NR3C2: variants seen among roughly 807,000 people sequenced by gnomAD.
NR3C2 encodes the protein nuclear receptor subfamily 3 group C member 2, also known as mineralocorticoid receptor.
Under a neutral mutation model 86.4 loss-of-function variants are expected in NR3C2, and 15 were observed. The observed-to-expected ratio is 0.17, with a 90% confidence interval of 0.12 to 0.27. NR3C2 has a LOEUF of 0.27. Ranked by LOEUF, NR3C2 falls within the 10% of genes least tolerant of loss-of-function variation. The pLI is 1.00. For missense variants in NR3C2, 960 were observed against 1,195.6 expected (o/e 0.80, Z 2.91); for synonymous variants, 458 against 450.5 (o/e 1.02, Z -0.21).
At chr4:148,316,253 T>A (rs951029247) in intron 2 of NR3C2, among the ~76,000 whole-genome samples, 1 of 152,168 alleles carries the variant, frequency 6.6e-6, no homozygotes, top group Admixed American at 6.5e-5. Context: ...ACATATAATA[T>A]AGTGGTCATC....
intron 6 of NR3C2, among the ~76,000 whole-genome samples, chr4:148,135,778 C>G (rs1268808308): frequency 1.3e-5 from 2 of 151,906 alleles, no homozygotes; most frequent in Non-Finnish European, 2.9e-5. Context: ...CAAAAACGGC[C>G]GGGCGCGGTG....
intron 3 of NR3C2, among the ~76,000 whole-genome samples, chr4:148,249,238 T>C (rs866930615): frequency 2.0e-5 from 3 of 151,854 alleles, no homozygotes; most frequent in Non-Finnish European, 4.4e-5. Flanking sequence ...TCCTTTCAAA[T>C]TGAAGAAGAA....
intron 6 of NR3C2, 66 bp downstream of exon 6, chr4:148,152,403 A>G: frequency 6.5e-7 from 1 of 1,538,668 alleles, no homozygotes; most frequent in African/African-American, 1.4e-5. Flanking sequence ...TTTAGAAATT[A>G]CTGAAAGAAA....
chr4:148,261,280 TAA>T (rs1420047520), intron 2 of NR3C2, among the ~76,000 whole-genome samples: 1 of 38,498 alleles, frequency 2.6e-5, no homozygotes, highest in South Asian at 1.2e-3. Context: ...TGCACTATGG[TAA>T]GCGCTATGGT....
chr4:148,388,899 A>T (rs1277761954), intron 2 of NR3C2, among the ~76,000 whole-genome samples: 1 of 152,320 alleles, frequency 6.6e-6, no homozygotes, highest in East Asian at 1.9e-4. Flanking sequence ...ATCCATAGCA[A>T]GCAGTTGGAA....
At chr4:148,296,044 CAAAA>C (rs529710200) in intron 2 of NR3C2, among the ~76,000 whole-genome samples, 24 of 73,932 alleles carry the variant, frequency 3.2e-4, no homozygotes, top group Non-Finnish European at 5.1e-4. Context: ...GAGCTGAGGC[CAAAA>C]AAAAAAAAAA....
intron 2 of NR3C2, among the ~76,000 whole-genome samples, chr4:148,395,637 C>A (rs1274044900): frequency 1.3e-5 from 2 of 152,178 alleles, no homozygotes; most frequent in Non-Finnish European, 2.9e-5. Flanking sequence ...TATTTGCTCT[C>A]ATTGTACATA....
chr4:148,336,147 G>C (rs1267217638), intron 2 of NR3C2, among the ~76,000 whole-genome samples: 2 of 152,188 alleles, frequency 1.3e-5, no homozygotes, highest in Non-Finnish European at 2.9e-5. Context: ...CTGGCAGCCT[G>C]TGCTCCTAGA....
At chr4:148,302,905 G>C (rs956735322) in intron 2 of NR3C2, among the ~76,000 whole-genome samples, 1 of 150,550 alleles carries the variant, frequency 6.6e-6, no homozygotes, top group African/African-American at 2.4e-5. Flanking sequence ...ACATGCTCTT[G>C]AGACCTCAAG....
At chr4:148,299,377 G>C (rs544305422) in intron 2 of NR3C2, among the ~76,000 whole-genome samples, 2 of 152,134 alleles carry the variant, frequency 1.3e-5, no homozygotes, top group Non-Finnish European at 2.9e-5. Context: ...CTGTCGCTCT[G>C]GGGGGTTAGA....
intron 3 of NR3C2, 73 bp downstream of exon 3, chr4:148,259,905 A>G (rs568056340): frequency 1.3e-5 from 21 of 1,567,522 alleles, no homozygotes; most frequent in African/African-American, 6.7e-5. Context: ...CAATAATGCT[A>G]TAGCATTAGC....
chr4:148,233,845 T>C (rs1250232866), intron 3 of NR3C2, among the ~76,000 whole-genome samples: 2 of 152,020 alleles, frequency 1.3e-5, no homozygotes, highest in African/African-American at 4.8e-5. Flanking sequence ...ACAGATATAA[T>C]AATAATAATA....
intron 2 of NR3C2, among the ~76,000 whole-genome samples, chr4:148,339,272 C>T (rs1335776061): frequency 6.6e-6 from 1 of 152,176 alleles, no homozygotes; most frequent in Non-Finnish European, 1.5e-5. Flanking sequence ...GTTTTAAGTT[C>T]TTAAGTAAGG....
At chr4:148,401,241 A>G (rs1167366404) in intron 2 of NR3C2, among the ~76,000 whole-genome samples, 1 of 152,124 alleles carries the variant, frequency 6.6e-6, no homozygotes, top group Non-Finnish European at 1.5e-5. Context: ...TCATCCTCAC[A>G]TGGTGCTTAC....
At chr4:148,355,744 C>T (rs372857900) in intron 2 of NR3C2, among the ~76,000 whole-genome samples, 2 of 152,180 alleles carry the variant, frequency 1.3e-5, no homozygotes, top group Non-Finnish European at 2.9e-5. Context: ...TGGGAGGATA[C>T]TGGCAAGTTA....
At chr4:148,153,860 T>G (rs1270689377) in intron 5 of NR3C2, among the ~76,000 whole-genome samples, 1 of 152,208 alleles carries the variant, frequency 6.6e-6, no homozygotes, top group Non-Finnish European at 1.5e-5. Flanking sequence ...TTACTTGGTC[T>G]ACACTTAGAT....
At chr4:148,142,276 G>A (rs116370670) in intron 6 of NR3C2, among the ~76,000 whole-genome samples, 156 of 152,304 alleles carry the variant, frequency 1.0e-3, no homozygotes, top group African/African-American at 3.6e-3. Context: ...CCACACTAAT[G>A]CGGGCAGGAG....
intron 2 of NR3C2, among the ~76,000 whole-genome samples, chr4:148,423,661 C>A (rs970987943): frequency 1.3e-5 from 2 of 152,114 alleles, no homozygotes; most frequent in Non-Finnish European, 2.9e-5. Flanking sequence ...TTTTTGTTCA[C>A]CCACATTAAG....
Position 148,194,845 on chromosome 4 carries a change from A to T in NR3C2, c.1915T>A (p.Cys639Ser). 6.2e-7 allele frequency: 1 copy of T among 1,611,434 alleles called. No homozygotes were observed. The change falls in exon 4 of 9, where the codon TGT (cysteine) becomes AGT (serine). Residue 639 changes from cysteine to serine, a missense_variant. Transcript: ENST00000358102. ...ATGATGCAATCATTTCTTCCAGCAC[A>T]TAAATAGTTGTGTTGCCCTGATTAA... ...RAVEGQHNYL[C>S]AGRNDCIIDK...
Sources: allele counts gnomAD v4.1 joint callset (sites outside exome capture counted in the v4.1 genomes callset), GRCh38; gene constraint gnomAD v4.1.1; transcripts MANE v1.5; gene names NCBI Gene and HGNC (gene_info 2026-07-23, HGNC 2026-07-21).